Variants in PPP6C observed in about 807,000 individuals in gnomAD.
PPP6C encodes the protein protein phosphatase 6 catalytic subunit.
A neutral mutation model predicts 39.8 loss-of-function variants in PPP6C; 11 were observed. That is an observed-to-expected ratio of 0.28 (90% CI 0.17 to 0.46). The LOEUF (loss-of-function observed/expected upper bound fraction) is 0.46, where lower values mean the gene tolerates loss of function less well. PPP6C is among the 20% of genes least tolerant of loss of function. The pLI, the probability that PPP6C is intolerant of heterozygous loss-of-function variation, is 1.00. For missense variants in PPP6C, 211 were observed against 373.9 expected (o/e 0.56, Z 3.59); for synonymous variants, 129 against 130.3 (o/e 0.99, Z 0.07).
chr9:125,156,709 G>A (rs1836083942), intron 4 of PPP6C, among the ~76,000 whole-genome samples: 1 of 151,124 alleles, frequency 6.6e-6, no homozygotes, highest in African/African-American at 2.4e-5. Flanking sequence ...AATCTTGACA[G>A]TTCTATTTCC....
chr9:125,150,355 C>A (rs1328837618), intron 6 of PPP6C, among the ~76,000 whole-genome samples: 1 of 152,068 alleles, frequency 6.6e-6, no homozygotes, highest in African/African-American at 2.4e-5. Context: ...TTAAGATACA[C>A]TGATGCAGGA....
At chr9:125,171,508 T>TATATATATATATATATGA (rs1829163534) in intron 1 of PPP6C, among the ~76,000 whole-genome samples, 1 of 103,572 alleles carries the variant, frequency 9.7e-6, no homozygotes, top group South Asian at 3.2e-4. Context: ...TATATATATA[T>TATATATATATATATATGA]ATATATATGA....
intron 6 of PPP6C, among the ~76,000 whole-genome samples, chr9:125,152,505 A>T (rs1835971878): frequency 6.6e-6 from 1 of 152,164 alleles, no homozygotes; most frequent in Non-Finnish European, 1.5e-5. Context: ...GGCTTTTCAA[A>T]TGAACAGAGA....
Position 125,185,602 on chromosome 9 carries a change from G to T in PPP6C, c.75+4042C>A, listed in dbSNP as rs145652159. 1.9e-3 allele frequency among the ~76,000 whole-genome samples: 295 copies of T among 151,642 alleles called. 4 individuals are homozygous for T. The highest frequency in any genetic ancestry group is 7.0e-3 in the African/African-American group (289 of 41,124). On this transcript the variant is annotated intron_variant, in intron 1 of 6. Coordinates refer to ENST00000373547, the MANE Select transcript of PPP6C (RefSeq NM_002721.5). ...CCAGCTACTCAGGAGGCTGAGGCAG[G>T]AGAATCGCTTGAATCCGGGAGGCGG...
At position 125,158,893 on chromosome 9, in the gene PPP6C, T is replaced by C. The variant is rs183451050; in HGVS notation, c.238-511A>G. 1.1e-3 allele frequency among the ~76,000 whole-genome samples: 162 copies of C among 152,126 alleles called. 3 individuals are homozygous for C. Among genetic ancestry groups the C allele is most frequent in the Non-Finnish European group, 1.3e-3 (87 of 67,984 alleles). On this transcript the variant is annotated intron_variant, in intron 3 of 6. Coordinates refer to ENST00000373547, the MANE Select transcript of PPP6C (RefSeq NM_002721.5). ...GTTGGTCAGGCTGGTCTCAAACTCC[T>C]GACCTTGTGATCCACCCACGTTGGC...
chr9:125,160,270 C>T (rs1672440853), intron 3 of PPP6C, among the ~76,000 whole-genome samples: 1 of 152,098 alleles, frequency 6.6e-6, no homozygotes, highest in African/African-American at 2.4e-5. Flanking sequence ...ATTTTTTATG[C>T]CCAACCATTA....
Position 125,149,540 on chromosome 9 carries a change from T to C in PPP6C, c.*133A>G. The stretch of plus-strand genomic sequence containing the variant: ...AACAATAAATTTAGATAATTTAAAA[T>C]TTAAAAAAAAAAAGGCAAGAGGCAG... On this transcript the variant is annotated 3_prime_UTR_variant, in exon 7 of 7. Coordinates refer to ENST00000373547, the MANE Select transcript of PPP6C (RefSeq NM_002721.5). 1.8e-6 allele frequency: 2 copies of C among 1,112,398 alleles called. No homozygotes were observed. The highest frequency in any genetic ancestry group is 3.9e-5 in the South Asian group (2 of 51,364). The allele number at this position is 1,112,398 out of a possible 1,614,324, so 68.9% of individuals were successfully genotyped here.
intron 1 of PPP6C, among the ~76,000 whole-genome samples, chr9:125,184,488 T>C (rs1197555631): frequency 2.0e-5 from 3 of 151,744 alleles, no homozygotes; most frequent in Non-Finnish European, 4.4e-5. Context: ...GCCCAGGAGT[T>C]TGAGGTTGCA....
intron 2 of PPP6C, among the ~76,000 whole-genome samples, chr9:125,161,539 G>GC (rs2131311862): frequency 6.6e-6 from 1 of 152,240 alleles, no homozygotes; most frequent in South Asian, 2.1e-4. Context: ...AAATTCCTGG[G>GC]CTCAAGTAAC....
chr9:125,183,930 C>G (rs1056222855), intron 1 of PPP6C, among the ~76,000 whole-genome samples: 3 of 152,166 alleles, frequency 2.0e-5, no homozygotes, highest in African/African-American at 7.2e-5. Context: ...CTGGCACCCA[C>G]AGGGAACAGT....
chr9:125,165,263 G>T (rs188617767), intron 2 of PPP6C, among the ~76,000 whole-genome samples: 1 of 152,150 alleles, frequency 6.6e-6, no homozygotes, highest in East Asian at 1.9e-4. Flanking sequence ...GCCAGGCACG[G>T]TGACTCACAC....
rs773765410 is a variant in PPP6C, at chr9:125,149,735, G to A, written c.856C>T (p.Arg286Trp). 6 of 1,614,100 alleles carry A rather than the reference G, an allele frequency of 3.7e-6. No homozygotes were observed. The highest frequency in any genetic ancestry group is 2.7e-5 in the African/African-American group (2 of 75,036). ...ACACGTTCTGAATCTGGAACTGCCC[G>A]GAATAACTTTGGTTCTCTTGTATTT... ...DVNTREPKLF[R>W]AVPDSERVIP... The change falls in exon 7 of 7, where the codon CGG (arginine) becomes TGG (tryptophan). Residue 286 changes from arginine to tryptophan, a missense_variant. Transcript: ENST00000373547.
rs781221037 is a variant in PPP6C, at chr9:125,165,795, C to CTTTTTTTTTT, written c.172-4899_172-4890dup. 2.9e-4 allele frequency among the ~76,000 whole-genome samples: 33 copies of CTTTTTTTTTT among 113,598 alleles called. 1 individual carries two copies. Among genetic ancestry groups the CTTTTTTTTTT allele is most frequent in the African/African-American group, 4.9e-4 (14 of 28,708 alleles). The allele number at this position is 113,598 out of a possible 152,430, so 74.5% of individuals were successfully genotyped here. A position where few individuals can be genotyped will look rare whatever the true frequency, so the allele number is the denominator to read the frequency against. ...CTGAAACCATAACAGTAATCTTTTG[C>CTTTTTTTTTT]TTTTTTTTTTTTTTTTTTGGAGACA... On this transcript the variant is annotated intron_variant, in intron 2 of 6. Coordinates refer to ENST00000373547, the MANE Select transcript of PPP6C (RefSeq NM_002721.5).
Position 125,170,988 on chromosome 9 carries a change from T to C in PPP6C, c.171+97A>G, listed in dbSNP as rs551245637. The C allele has an allele frequency of 3.5e-5, 26 of 751,958 alleles. No homozygotes were observed. The East Asian group carries it at 7.2e-4, about 21-fold the overall frequency. 46.6% of individuals were successfully genotyped at this position (751,958 alleles called of 1,614,324 possible). On this transcript the variant is annotated intron_variant, in intron 2 of 6. Transcript: ENST00000373547. ...AACCTAGCTTACCACCAGTTGTGTTTGTTGATGTTGTTGTTGTTTTAATTT... is the reference window on the plus strand; with the variant it reads ...AACCTAGCTTACCACCAGTTGTGTTCGTTGATGTTGTTGTTGTTTTAATTT...
intron 6 of PPP6C, chr9:125,150,557 G>A: frequency 1.8e-6 from 1 of 564,598 alleles, no homozygotes; most frequent in Non-Finnish European, 3.3e-6. Context: ...ATCGCAAAGA[G>A]ATTAGTATTG....
At chr9:125,152,229 A>T (rs1410739613) in intron 6 of PPP6C, among the ~76,000 whole-genome samples, 1 of 150,624 alleles carries the variant, frequency 6.6e-6, no homozygotes, top group African/African-American at 2.4e-5. Flanking sequence ...TTTTGTACCT[A>T]CTCCTTTGAT....
chr9:125,182,949 C>G (rs1208710104), intron 1 of PPP6C, among the ~76,000 whole-genome samples: 1 of 151,978 alleles, frequency 6.6e-6, no homozygotes, highest in Non-Finnish European at 1.5e-5. Flanking sequence ...TAGTTGTTAT[C>G]TAAGTAACAT....
intron 1 of PPP6C, among the ~76,000 whole-genome samples, chr9:125,188,399 C>T (rs1402944793): frequency 6.6e-6 from 1 of 151,398 alleles, no homozygotes; most frequent in Admixed American, 6.6e-5. Flanking sequence ...AAAAAGAATA[C>T]ACTGAGTCGG....
intron 6 of PPP6C, chr9:125,151,703 T>C (rs1835950001): frequency 3.3e-6 from 1 of 302,220 alleles, no homozygotes; most frequent in Admixed American, 3.9e-5. Context: ...TGTAGCTTTC[T>C]ATATCCCACA....
Sources: gnomAD v4.1 joint callset for allele counts (sites outside exome capture counted in the v4.1 genomes callset) on GRCh38, gnomAD v4.1.1 for gene constraint, MANE v1.5 for transcripts, NCBI Gene and HGNC (gene_info 2026-07-23, HGNC 2026-07-21) for gene names.